DGKI: variants seen among roughly 807,000 people sequenced by gnomAD.
DGKI encodes the protein DAG kinase iota.
DGKI carries 55 observed loss-of-function variants against 147.5 expected under a neutral mutation model. That is an observed-to-expected ratio of 0.37 (90% CI 0.30 to 0.47). DGKI has a LOEUF of 0.47. Among genes scored for constraint, DGKI ranks in the 20% least tolerant of loss-of-function variants. DGKI has a pLI of 1.00. For synonymous variants in DGKI, 469 were observed against 477.1 expected (o/e 0.98, Z 0.22); for missense variants, 1,007 against 1,323.8 (o/e 0.76, Z 3.71).
At chr7:137,517,939 T>C (rs1816837341) in intron 21 of DGKI, among the ~76,000 whole-genome samples, 1 of 152,138 alleles carries the variant, frequency 6.6e-6, no homozygotes, top group Non-Finnish European at 1.5e-5. Flanking sequence ...TTCTGTGATA[T>C]TTACCAGTAT....
chr7:137,572,615 GAGAATGAATTATC>G, intron 18 of DGKI, 137 bp downstream of exon 18: 1 of 584,802 alleles, frequency 1.7e-6, no homozygotes, highest in Non-Finnish European at 3.0e-6. Flanking sequence ...AACCAAATCG[GAGAATGAATTATC>G]AGACCTAGAA....
intron 21 of DGKI, among the ~76,000 whole-genome samples, chr7:137,497,026 C>G (rs1815990899): frequency 6.6e-6 from 1 of 151,274 alleles, no homozygotes; most frequent in Admixed American, 6.6e-5. Flanking sequence ...AGACAACCTA[C>G]AGAATGGAAG....
intron 21 of DGKI, among the ~76,000 whole-genome samples, chr7:137,511,357 CA>C (rs901355378): frequency 6.6e-6 from 1 of 152,152 alleles, no homozygotes; most frequent in Non-Finnish European, 1.5e-5. Context: ...ACTCAAATTC[CA>C]AATGGAGAAT....
chr7:137,842,957 C>T (rs141723641), intron 1 of DGKI, among the ~76,000 whole-genome samples: 68 of 152,226 alleles, frequency 4.5e-4, no homozygotes, highest in African/African-American at 1.5e-3. Context: ...ACAGAGAGCT[C>T]AAGCCTAAAA....
intron 21 of DGKI, among the ~76,000 whole-genome samples, chr7:137,507,228 C>T (rs1002984309): frequency 2.6e-5 from 4 of 152,134 alleles, no homozygotes; most frequent in Non-Finnish European, 5.9e-5. Flanking sequence ...CTAGTCCTTA[C>T]GATTAAAAGT....
chr7:137,648,814 A>G (rs1821922396), intron 5 of DGKI, among the ~76,000 whole-genome samples: 1 of 152,320 alleles, frequency 6.6e-6, no homozygotes, highest in Admixed American at 6.5e-5. Flanking sequence ...CAGATGTAGA[A>G]TATCATATAG....
At chr7:137,442,999 C>T (rs552122516) in intron 28 of DGKI, among the ~76,000 whole-genome samples, 2 of 152,050 alleles carry the variant, frequency 1.3e-5, no homozygotes, top group Non-Finnish European at 2.9e-5. Context: ...GAAGTAGCAT[C>T]CTGTCAGAGA....
At chr7:137,429,858 C>T (rs1294555726) in intron 28 of DGKI, among the ~76,000 whole-genome samples, 3 of 120,368 alleles carry the variant, frequency 2.5e-5, no homozygotes. Context: ...AATGAGATAC[C>T]ATCTCACACC....
chr7:137,737,918 T>A (rs7795269), intron 1 of DGKI, among the ~76,000 whole-genome samples: 42,208 of 151,992 alleles, frequency 0.28, 5,964 homozygotes, highest in Middle Eastern at 0.37. Context: ...ATTCAATAAT[T>A]TCTATGATTA....
At chr7:137,431,193 C>A (rs1351307376) in intron 28 of DGKI, among the ~76,000 whole-genome samples, 1 of 151,562 alleles carries the variant, frequency 6.6e-6, no homozygotes. Context: ...ACAAAGCAAA[C>A]AGTTAACAGA....
intron 3 of DGKI, among the ~76,000 whole-genome samples, chr7:137,656,775 A>G (rs555468757): frequency 6.6e-6 from 1 of 152,310 alleles, no homozygotes; most frequent in East Asian, 1.9e-4. Flanking sequence ...AGGGTGGGCT[A>G]GATTGTCTCT....
chr7:137,646,592 T>C (rs1197814532), intron 5 of DGKI, among the ~76,000 whole-genome samples: 1 of 152,152 alleles, frequency 6.6e-6, no homozygotes, highest in Admixed American at 6.5e-5. Context: ...TTACAAACAA[T>C]TCATCCCTCT....
At chr7:137,630,100 C>G (rs6971321) in intron 6 of DGKI, among the ~76,000 whole-genome samples, 12,818 of 152,108 alleles carry the variant, frequency 0.084, 1,776 homozygotes, top group African/African-American at 0.29. Context: ...TGCAAATTAG[C>G]TGAATCTAGA....
At chr7:137,719,505 T>C (rs1004281283) in intron 1 of DGKI, among the ~76,000 whole-genome samples, 3 of 151,928 alleles carry the variant, frequency 2.0e-5, no homozygotes, top group Non-Finnish European at 2.9e-5. Flanking sequence ...CAGAATGATA[T>C]TGAAGAAGGG....
chr7:137,600,653 G>A (rs1027325172), intron 10 of DGKI, among the ~76,000 whole-genome samples: 5 of 152,110 alleles, frequency 3.3e-5, no homozygotes, highest in African/African-American at 1.2e-4. Context: ...TTATTGTACA[G>A]ATTATTGTCT....
chr7:137,683,959 G>A (rs1230426144), intron 2 of DGKI, among the ~76,000 whole-genome samples: 2 of 152,152 alleles, frequency 1.3e-5, no homozygotes, highest in African/African-American at 4.8e-5. Context: ...GGTGAGGTGA[G>A]TGTTTGAGAC....
chr7:137,750,671 C>T (rs1271616197), intron 1 of DGKI, among the ~76,000 whole-genome samples: 2 of 152,068 alleles, frequency 1.3e-5, no homozygotes, highest in East Asian at 1.9e-4. Flanking sequence ...CTAGCCCAGC[C>T]CCTGAACATC....
chr7:137,692,573 C>A (rs951101675), intron 1 of DGKI, among the ~76,000 whole-genome samples: 1 of 152,096 alleles, frequency 6.6e-6, no homozygotes, highest in Non-Finnish European at 1.5e-5. Context: ...AGACTCTGAC[C>A]GCCAAAACCC....
chr7:137,513,858 C>T, intron 21 of DGKI: 1 of 697,694 alleles, frequency 1.4e-6, no homozygotes, highest in Non-Finnish European at 2.6e-6. Context: ...ACCTCTGCGC[C>T]ATGAGAGCCA....
Sources: gnomAD v4.1 joint callset for allele counts (sites outside exome capture counted in the v4.1 genomes callset) on GRCh38, gnomAD v4.1.1 for gene constraint, MANE v1.5 for transcripts, NCBI Gene and HGNC (gene_info 2026-07-23, HGNC 2026-07-21) for gene names.